PDE10A: variants seen among roughly 807,000 people sequenced by gnomAD.
PDE10A encodes the protein phosphodiesterase 10A.
A neutral mutation model predicts 97.7 loss-of-function variants in PDE10A; 39 were observed. The ratio of observed to expected loss-of-function variants is 0.40; its 90% CI spans 0.31 to 0.52. The LOEUF (loss-of-function observed/expected upper bound fraction) is 0.52, where lower values mean the gene tolerates loss of function less well. Ranked by LOEUF, PDE10A falls within the 20% of genes least tolerant of loss-of-function variation. PDE10A has a pLI of 0.56. For synonymous variants in PDE10A, 371 were observed against 376.8 expected, an observed-to-expected ratio of 0.98 and a Z score of 0.18; for missense variants, 731 against 1,047.8, an observed-to-expected ratio of 0.70 and a Z score of 4.17.
chr6:165,724,855 C>T (rs1792253672), intron 1 of PDE10A, among the ~76,000 whole-genome samples: 1 of 152,182 alleles, frequency 6.6e-6, no homozygotes, highest in Non-Finnish European at 1.5e-5. Context: ...GCATCTTCCT[C>T]ACTACAGCAG....
chr6:165,746,379 A>C (rs115088979), intron 1 of PDE10A, among the ~76,000 whole-genome samples: 1,794 of 152,354 alleles, frequency 0.012, 39 homozygotes, highest in African/African-American at 0.041. Flanking sequence ...GGTATTGCAC[A>C]GAATCCTGGG....
At chr6:165,665,871 T>C (rs982240822), upstream of PDE10A, among the ~76,000 whole-genome samples, 8 of 152,232 alleles carry the variant, frequency 5.3e-5, no homozygotes, top group African/African-American at 1.7e-4. Flanking sequence ...CAACCATAAG[T>C]ATATTTAAAT....
chr6:165,373,729 G>A (rs368324139), intron 18 of PDE10A, among the ~76,000 whole-genome samples: 2 of 152,050 alleles, frequency 1.3e-5, no homozygotes, highest in African/African-American at 4.8e-5. Context: ...TCCCATTACT[G>A]GGTATATACC....
intron 2 of PDE10A, among the ~76,000 whole-genome samples, chr6:165,513,185 G>T (rs752213105): frequency 6.6e-6 from 1 of 151,836 alleles, no homozygotes; most frequent in Non-Finnish European, 1.5e-5. Flanking sequence ...TTACAGTAAG[G>T]CATATGATTC....
At chr6:165,981,932 G>C (rs541118715) in intron 1 of PDE10A, among the ~76,000 whole-genome samples, 2 of 152,156 alleles carry the variant, frequency 1.3e-5, no homozygotes, top group African/African-American at 4.8e-5. Context: ...CTGATGGTGG[G>C]GGTTAGGTAG....
chr6:165,574,511 A>G (rs1785206975), intron 1 of PDE10A, among the ~76,000 whole-genome samples: 1 of 152,226 alleles, frequency 6.6e-6, no homozygotes, highest in Admixed American at 6.5e-5. Flanking sequence ...AAACTATTTC[A>G]CCTCAAAATT....
At chr6:165,828,143 T>C (rs1779811551) in intron 1 of PDE10A, among the ~76,000 whole-genome samples, 1 of 152,164 alleles carries the variant, frequency 6.6e-6, no homozygotes, top group African/African-American at 2.4e-5. Flanking sequence ...AAGAGAGAAA[T>C]AATTCTAGCT....
intron 1 of PDE10A, among the ~76,000 whole-genome samples, chr6:165,835,623 T>C (rs1441870171): frequency 6.6e-6 from 1 of 152,104 alleles, no homozygotes; most frequent in African/African-American, 2.4e-5. Flanking sequence ...GGCTTTGCAG[T>C]TGGGGCAGTT....
chr6:165,430,678 G>C (rs6938555), intron 8 of PDE10A, among the ~76,000 whole-genome samples: 1 of 152,050 alleles, frequency 6.6e-6, no homozygotes, highest in African/African-American at 2.4e-5. Context: ...CTGGATAGTC[G>C]ACCCAAGTCT....
chr6:165,477,100 C>G (rs185272687), intron 3 of PDE10A, among the ~76,000 whole-genome samples: 17 of 152,256 alleles, frequency 1.1e-4, no homozygotes, highest in Middle Eastern at 6.8e-3. Flanking sequence ...CAAATCCCCC[C>G]CAGCGGCATC....
At chr6:165,714,609 G>T (rs1052821789) in intron 1 of PDE10A, among the ~76,000 whole-genome samples, 1 of 152,226 alleles carries the variant, frequency 6.6e-6, no homozygotes, top group African/African-American at 2.4e-5. Flanking sequence ...AACCCCATTC[G>T]CAGCCCATCC....
chr6:165,512,869 ATT>A (rs1174410689), intron 2 of PDE10A, among the ~76,000 whole-genome samples: 7 of 152,022 alleles, frequency 4.6e-5, no homozygotes, highest in Non-Finnish European at 7.4e-5. Context: ...TCTTATACTT[ATT>A]TTAATGAGTA....
At chr6:165,627,886 C>G (rs540399009) in intron 1 of PDE10A, among the ~76,000 whole-genome samples, 87 of 152,298 alleles carry the variant, frequency 5.7e-4, no homozygotes, top group Admixed American at 2.1e-3. Flanking sequence ...TTACCTATCA[C>G]CAAGTCCAAC....
At chr6:165,386,366 T>A (rs1364753368) in intron 17 of PDE10A, among the ~76,000 whole-genome samples, 1 of 152,206 alleles carries the variant, frequency 6.6e-6, no homozygotes, top group Non-Finnish European at 1.5e-5. Context: ...TCCTATTATA[T>A]TTAATACAGC....
At chr6:165,970,690 A>AAAGAATATAAAC (rs1440344113) in intron 1 of PDE10A, among the ~76,000 whole-genome samples, 1 of 152,220 alleles carries the variant, frequency 6.6e-6, no homozygotes, top group Non-Finnish European at 1.5e-5. Context: ...GAATTAAACA[A>AAAGAATATAAAC]AAGATTTATT....
chr6:165,715,169 C>T (rs550638002), intron 1 of PDE10A, among the ~76,000 whole-genome samples: 257 of 152,330 alleles, frequency 1.7e-3, no homozygotes, highest in African/African-American at 5.8e-3. Context: ...TACACTCATG[C>T]GGGCTGTGCA....
intron 1 of PDE10A, among the ~76,000 whole-genome samples, chr6:165,860,084 T>C (rs6910287): frequency 0.2 from 29,950 of 152,012 alleles, 3,292 homozygotes; most frequent in African/African-American, 0.27. Context: ...ACAAATTGGG[T>C]CCAGTGTATA....
At chr6:165,614,057 T>C (rs968830922) in intron 1 of PDE10A, among the ~76,000 whole-genome samples, 1 of 152,222 alleles carries the variant, frequency 6.6e-6, no homozygotes, top group African/African-American at 2.4e-5. Context: ...CACCAAGTTG[T>C]GCTAATTATG....
chr6:165,766,658 C>T (rs1201319306), intron 1 of PDE10A, among the ~76,000 whole-genome samples: 1 of 152,196 alleles, frequency 6.6e-6, no homozygotes, highest in Admixed American at 6.5e-5. Context: ...TGTCTGCAGG[C>T]TTGGATTTTG....
Sources: allele counts gnomAD v4.1 joint callset (sites outside exome capture counted in the v4.1 genomes callset), GRCh38; gene constraint gnomAD v4.1.1; transcripts MANE v1.5; gene names NCBI Gene and HGNC (gene_info 2026-07-23, HGNC 2026-07-21).